Variants in ESF1 observed in about 807,000 individuals in gnomAD.
ESF1 encodes the protein ESF1 homolog.
A neutral mutation model predicts 92.0 loss-of-function variants in ESF1; 58 were observed. That is an observed-to-expected ratio of 0.63 (90% CI 0.51 to 0.78). ESF1 has a LOEUF of 0.78. ESF1 is among the 30% of genes least tolerant of loss of function. The pLI, the probability that ESF1 is intolerant of heterozygous loss-of-function variation, is 0.00. For missense variants in ESF1, 922 were observed against 989.1 expected (o/e 0.93, Z 0.91); for synonymous variants, 321 against 313.7 (o/e 1.02, Z -0.24).
At chr20:13,725,464 T>C (rs1175960788) in intron 11 of ESF1, among the ~76,000 whole-genome samples, 4 of 152,158 alleles carry the variant, frequency 2.6e-5, no homozygotes, top group Admixed American at 6.5e-5. Context: ...AGATCTACAT[T>C]CTTGGTCTCT....
chr20:13,748,550 A>G (rs58571814), intron 9 of ESF1, among the ~76,000 whole-genome samples: 1,817 of 24,636 alleles, frequency 0.074, 31 homozygotes, highest in Non-Finnish European at 0.088. Context: ...ATGTGTGTGT[A>G]TATATATATA....
intron 13 of ESF1, among the ~76,000 whole-genome samples, chr20:13,717,049 C>A (rs2049833773): frequency 6.6e-6 from 1 of 151,820 alleles, no homozygotes; most frequent in South Asian, 2.1e-4. Context: ...GACCTCCTGA[C>A]CTCGTGATCT....
At chr20:13,769,708 C>A (rs1461384113) in intron 7 of ESF1, among the ~76,000 whole-genome samples, 199 bp downstream of exon 7, 1 of 152,176 alleles carries the variant, frequency 6.6e-6, no homozygotes, top group African/African-American at 2.4e-5. Flanking sequence ...ATCGCTTCAA[C>A]CTGTGAGGCA....
chr20:13,746,777 C>T (rs183352121), intron 9 of ESF1, among the ~76,000 whole-genome samples: 282 of 152,310 alleles, frequency 1.9e-3, no homozygotes, highest in Non-Finnish European at 3.0e-3. Context: ...ATTTCAACTT[C>T]CCTAGCATTC....
At position 13,784,906 on chromosome 20, in the gene ESF1, T is replaced by C. The variant is rs548597791; in HGVS notation, c.-70A>G. Reference sequence around the variant, plus strand: ...GTCCGCAGTCCTACCAAGCCTCACGTGGGGCTCACACCCACAATCCTCCGC... The same window carrying C: ...GTCCGCAGTCCTACCAAGCCTCACGCGGGGCTCACACCCACAATCCTCCGC... On this transcript the variant is annotated 5_prime_UTR_variant, in exon 1 of 14. Coordinates refer to ENST00000617257, the MANE Select transcript of ESF1 (RefSeq NM_001276380.2). The C allele has an allele frequency of 1.5e-6, 1 of 650,266 alleles. No individual in the cohort carries two copies. The highest frequency in any genetic ancestry group is 2.7e-5 in the Admixed American group (1 of 36,756). 40.3% of individuals were successfully genotyped at this position (650,266 alleles called of 1,614,324 possible).
chr20:13,733,688 C>T, intron 10 of ESF1, 33 bp downstream of exon 10: 1 of 1,599,210 alleles, frequency 6.3e-7, no homozygotes, highest in Non-Finnish European at 8.5e-7. Context: ...GGTTGGTATT[C>T]AACAAACATT....
intron 10 of ESF1, among the ~76,000 whole-genome samples, chr20:13,732,347 G>C (rs1178475657): frequency 6.6e-6 from 1 of 152,150 alleles, no homozygotes; most frequent in East Asian, 1.9e-4. Context: ...AAGTCAGAAA[G>C]AGTTTTTCCC....
rs555796391 is a variant in ESF1, at chr20:13,721,977, C to G, written c.2039-2993G>C. On this transcript the variant is annotated intron_variant, in intron 11 of 13. Transcript: ENST00000617257. ...CCACTTGCTTAGGGTATGAACCCCCCATTCCCTAAATTTACCACTGCTCCT... is the reference window on the plus strand; with the variant it reads ...CCACTTGCTTAGGGTATGAACCCCCGATTCCCTAAATTTACCACTGCTCCT... Among the ~76,000 whole-genome samples, 14 of 152,278 alleles carry G rather than the reference C, an allele frequency of 9.2e-5. No homozygotes were observed. The South Asian group carries it at 2.1e-3, about 23-fold the overall frequency.
chr20:13,759,974 A>G, intron 8 of ESF1, 121 bp from the exon 9 acceptor site: 2 of 1,386,808 alleles, frequency 1.4e-6, no homozygotes, highest in East Asian at 2.8e-5. Flanking sequence ...AATCAGACTT[A>G]AATTTCTGAA....
chr20:13,718,790 TTAGTTATAAATGCCAC>T, intron 12 of ESF1, 102 bp downstream of exon 12: 2 of 556,658 alleles, frequency 3.6e-6, no homozygotes, highest in Non-Finnish European at 5.7e-6. Context: ...CTCTTACAAT[TTAGTTATAAATGCCAC>T]TGCTAAAATA....
At chr20:13,778,981 G>C (rs1001583531) in intron 2 of ESF1, among the ~76,000 whole-genome samples, 1 of 152,058 alleles carries the variant, frequency 6.6e-6, no homozygotes, top group Non-Finnish European at 1.5e-5. Context: ...AGGAAGTTGC[G>C]GCTGCAGTGA....
At chr20:13,772,673 G>C in intron 4 of ESF1, 58 bp from the exon 5 acceptor site, 1 of 1,259,528 alleles carries the variant, frequency 7.9e-7, no homozygotes, top group African/African-American at 1.5e-5. Flanking sequence ...CAAATATCTA[G>C]ACCTGTCGAA....
intron 10 of ESF1, among the ~76,000 whole-genome samples, chr20:13,732,903 CTTATTTAT>C (rs59748081): frequency 0.65 from 95,032 of 147,258 alleles, 31,083 homozygotes; most frequent in South Asian, 0.82. Flanking sequence ...AGGAAATACT[CTTATTTAT>C]TTATTTATTT....
At chr20:13,775,009 C>A in intron 4 of ESF1, 148 bp downstream of exon 4, 3 of 551,250 alleles carry the variant, frequency 5.4e-6, no homozygotes, top group Non-Finnish European at 9.5e-6. Flanking sequence ...ACATTTATAC[C>A]TGTTACATAA....
chr20:13,748,593 T>TGTATATATATATATA (rs1466247619), intron 9 of ESF1, among the ~76,000 whole-genome samples: 3 of 11,814 alleles, frequency 2.5e-4, no homozygotes, highest in African/African-American at 9.2e-4. Flanking sequence ...TATATATATA[T>TGTATATATATATATA]TTTTTTTTTT....
At chr20:13,777,439 G>A (rs1057198451) in intron 2 of ESF1, among the ~76,000 whole-genome samples, 14 of 152,170 alleles carry the variant, frequency 9.2e-5, no homozygotes, top group African/African-American at 3.4e-4. Context: ...TGTTGAATAC[G>A]AAGTGCCACT....
chr20:13,746,220 C>T (rs1042714498), intron 9 of ESF1, among the ~76,000 whole-genome samples: 2 of 152,176 alleles, frequency 1.3e-5, no homozygotes, highest in African/African-American at 2.4e-5. Flanking sequence ...CTGTCTTGGC[C>T]TCCCAAAGTG....
At chr20:13,752,285 T>G (rs1042807001) in intron 9 of ESF1, among the ~76,000 whole-genome samples, 1 of 152,162 alleles carries the variant, frequency 6.6e-6, no homozygotes, top group Non-Finnish European at 1.5e-5. Context: ...ACGCTTAGGT[T>G]TTAAAATTTT....
At chr20:13,715,441 G>A (rs1415493421) in intron 13 of ESF1, among the ~76,000 whole-genome samples, 2 of 152,074 alleles carry the variant, frequency 1.3e-5, no homozygotes, top group South Asian at 2.1e-4. Flanking sequence ...TATTATGGCC[G>A]GTAACTACAA....
Sources: gnomAD v4.1 joint callset for allele counts (sites outside exome capture counted in the v4.1 genomes callset) on GRCh38, gnomAD v4.1.1 for gene constraint, MANE v1.5 for transcripts, NCBI Gene and HGNC (gene_info 2026-07-23, HGNC 2026-07-21) for gene names.